CDH4: variants seen among roughly 807,000 people sequenced by gnomAD.
CDH4 encodes cadherin-4.
CDH4 carries 33 observed loss-of-function variants against 86.0 expected under a neutral mutation model. That is an observed-to-expected ratio of 0.38 (90% CI 0.29 to 0.51). The LOEUF (loss-of-function observed/expected upper bound fraction) is 0.51, where lower values mean the gene tolerates loss of function less well. CDH4 is among the 20% of genes least tolerant of loss of function. The pLI, the probability that CDH4 is intolerant of heterozygous loss-of-function variation, is 0.86. For synonymous variants in CDH4, 555 were observed against 549.4 expected (o/e 1.01, Z -0.14); for missense variants, 1,114 against 1,307.4 (o/e 0.85, Z 2.28).
In CDH4 at chr20:61,510,295, C is replaced by A. The variant is rs1027952867; in HGVS notation, c.170-233268C>A. Among the ~76,000 whole-genome samples the A allele has an allele frequency of 6.6e-6, 1 of 152,200 alleles. No individual in the cohort carries two copies. Among genetic ancestry groups the A allele is most frequent in the South Asian group, 2.1e-4 (1 of 4,816 alleles). On this transcript the variant is annotated intron_variant, in intron 2 of 15. Coordinates refer to ENST00000614565, the MANE Select transcript of CDH4 (RefSeq NM_001794.5). This position sits in a 1 kb window ranked among gnomAD's most constrained non-coding sequence, Gnocchi z 4.2. ...CTTTGTGTTTTGGGGGGGCCAGGAA[C>A]GTGCATTCAGGGGAGTTTCTATTTG...
chr20:61,476,303 G>A lies in CDH4; in HGVS notation c.169+221366G>A, dbSNP rs917930820. Among the ~76,000 whole-genome samples the A allele has an allele frequency of 9.8e-5, 15 of 152,312 alleles. No homozygotes were observed. In the South Asian group the frequency reaches 1.2e-3, roughly 13 times the overall value. On this transcript the variant is annotated intron_variant, in intron 2 of 15. Coordinates refer to ENST00000614565, the MANE Select transcript of CDH4 (RefSeq NM_001794.5). ...GGCATGCGCCCTGGTTCCTGTCCTC[G>A]GTAGACGGAAGTCAAAGCCAACGTT...
intron 12 of CDH4, among the ~76,000 whole-genome samples, chr20:61,929,214 C>T (rs1166070409): frequency 6.6e-6 from 1 of 151,800 alleles, no homozygotes; most frequent in Non-Finnish European, 1.5e-5. Flanking sequence ...AATCTCAGCT[C>T]TGCAACTCCA....
intron 2 of CDH4, among the ~76,000 whole-genome samples, chr20:61,447,852 C>T (rs897187159): frequency 1.3e-5 from 2 of 152,010 alleles, no homozygotes; most frequent in Non-Finnish European, 2.9e-5. Flanking sequence ...ATCTTCATTC[C>T]ATAACCCTCT....
At chr20:61,632,594 C>T (rs2086900061) in intron 2 of CDH4, among the ~76,000 whole-genome samples, 1 of 152,042 alleles carries the variant, frequency 6.6e-6, no homozygotes, top group Non-Finnish European at 1.5e-5. Context: ...CCCACTCTAC[C>T]CTCCACCCAC....
At chr20:61,550,118 G>C (rs1415526997) in intron 2 of CDH4, among the ~76,000 whole-genome samples, 37 of 101,308 alleles carry the variant, frequency 3.7e-4, no homozygotes, top group East Asian at 6.1e-4. Flanking sequence ...GCTTCCTTAG[G>C]TTGCCTCACT....
At chr20:61,792,005 TC>T (rs753703607) in intron 4 of CDH4, among the ~76,000 whole-genome samples, 5 of 152,150 alleles carry the variant, frequency 3.3e-5, no homozygotes, top group Admixed American at 6.5e-5. Context: ...CATCTGATTG[TC>T]CGTCTATCAT....
Position 61,623,855 on chromosome 20 carries a change from GA to G in CDH4, c.170-119706del, listed in dbSNP as rs2086802228. ...GGTTCCTAGAGCGAGGAACACCCCA[GA>G]ATCTGAGCAGGAAGGACACGGTTCC... On this transcript the variant is annotated intron_variant, in intron 2 of 15. Transcript: ENST00000614565. This position sits in a 1 kb window ranked among gnomAD's most constrained non-coding sequence, Gnocchi z 4.4. Among the ~76,000 whole-genome samples, 2 of 151,272 alleles carry G rather than the reference GA, an allele frequency of 1.3e-5. No homozygotes were observed. The highest frequency in any genetic ancestry group is 1.3e-4 in the Admixed American group (2 of 15,184).
chr20:61,399,585 A>G (rs1220090503), intron 2 of CDH4, among the ~76,000 whole-genome samples: 1 of 152,038 alleles, frequency 6.6e-6, no homozygotes, highest in Admixed American at 6.6e-5. Context: ...TGCCCTCCCC[A>G]AAGCCTCACC....
chr20:61,881,169 G>T (rs1384658485), intron 7 of CDH4, among the ~76,000 whole-genome samples: 1 of 152,220 alleles, frequency 6.6e-6, no homozygotes, highest in Non-Finnish European at 1.5e-5. Context: ...GGTCAGGACA[G>T]CTCCTCCATC....
At position 61,518,818 on chromosome 20, in the gene CDH4, C is replaced by T. The variant is rs2085845928; in HGVS notation, c.170-224745C>T. 6.6e-6 allele frequency among the ~76,000 whole-genome samples: 1 copy of T among 151,948 alleles called. No homozygotes were observed. Among genetic ancestry groups the T allele is most frequent in the African/African-American group, 2.4e-5 (1 of 41,360 alleles). ...ATTCATCCATCCACCCATCATCCAT[C>T]CATTAATCCATCATTCATCCATTCA... On this transcript the variant is annotated intron_variant, in intron 2 of 15. Transcript: ENST00000614565. The surrounding 1 kb of genome is among the most constrained non-coding windows in gnomAD (Gnocchi z 6.3).
chr20:61,576,504 G>A (rs1467963717), intron 2 of CDH4, among the ~76,000 whole-genome samples: 1 of 152,192 alleles, frequency 6.6e-6, no homozygotes, highest in African/African-American at 2.4e-5. Flanking sequence ...CACCTGGCTT[G>A]GAGTAGGAGT....
At chr20:61,267,152 T>G (rs931382250) in intron 2 of CDH4, among the ~76,000 whole-genome samples, 21 of 152,196 alleles carry the variant, frequency 1.4e-4, no homozygotes, top group African/African-American at 4.6e-4. Context: ...GACTTCTGGC[T>G]TCCAGAACTG....
intron 2 of CDH4, among the ~76,000 whole-genome samples, chr20:61,601,935 C>T (rs1412447791): frequency 6.6e-6 from 1 of 152,158 alleles, no homozygotes; most frequent in African/African-American, 2.4e-5. Context: ...AGGAGCATAC[C>T]AGGAGGGAGG....
chr20:61,613,311 G>T (rs2086699686), intron 2 of CDH4, among the ~76,000 whole-genome samples: 1 of 152,112 alleles, frequency 6.6e-6, no homozygotes. Context: ...GAGCTGGGAG[G>T]CTTCATTCTG....
intron 2 of CDH4, among the ~76,000 whole-genome samples, chr20:61,493,923 A>G (rs2085641888): frequency 1.3e-5 from 2 of 152,138 alleles, no homozygotes; most frequent in Non-Finnish European, 2.9e-5. Flanking sequence ...AGCCTGGCCC[A>G]TGGTCCTCAG....
intron 10 of CDH4, 127 bp from the exon 11 acceptor site, chr20:61,924,207 G>A (rs1168552739): frequency 2.0e-5 from 19 of 933,668 alleles, no homozygotes; most frequent in Non-Finnish European, 2.9e-5. Context: ...AAGGCCTGGG[G>A]GGCTCCAAGG....
intron 2 of CDH4, among the ~76,000 whole-genome samples, chr20:61,665,977 G>A (rs182099043): frequency 1.2e-3 from 190 of 152,276 alleles, no homozygotes; most frequent in Non-Finnish European, 1.8e-3. Context: ...AGTTCTGGGC[G>A]GGGTCCAGGT....
In CDH4 at chr20:61,575,263, G is replaced by T. The variant is rs151136454; in HGVS notation, c.170-168300G>T. On this transcript the variant is annotated intron_variant, in intron 2 of 15. Transcript: ENST00000614565. ...GATGGCAGCAAGCTGGCAACGACAG[G>T]TCTAAGCCTGTGTGTTCCCAAGTTT... is the stretch of plus-strand genomic sequence containing the variant. Among the ~76,000 whole-genome samples, 562 of 152,290 alleles carry T rather than the reference G, an allele frequency of 3.7e-3. 4 individuals are homozygous for T. The highest frequency in any genetic ancestry group is 4.1e-3 in the Non-Finnish European group (277 of 68,030).
chr20:61,602,792 T>C (rs538271108), intron 2 of CDH4, among the ~76,000 whole-genome samples: 1 of 150,888 alleles, frequency 6.6e-6, no homozygotes, highest in South Asian at 2.1e-4. Flanking sequence ...GATTTCGGAA[T>C]TGTGCCTGGC....
Sources: gnomAD v4.1 joint callset for allele counts (sites outside exome capture counted in the v4.1 genomes callset) on GRCh38, gnomAD v4.1.1 for gene constraint, Gnocchi (gnomAD v3.1) non-coding constraint, MANE v1.5 for transcripts, NCBI Gene and HGNC (gene_info 2026-07-23, HGNC 2026-07-21) for gene names.